RIMKLB: variants seen among roughly 807,000 people sequenced by gnomAD.
RIMKLB encodes beta-citrylglutamate synthase B.
In RIMKLB, 7 loss-of-function variants were observed where a neutral mutation model predicts 32.0. That is an observed-to-expected ratio of 0.22 (90% CI 0.12 to 0.41). The LOEUF (loss-of-function observed/expected upper bound fraction) is 0.41, where lower values mean the gene tolerates loss of function less well. Ranked by LOEUF, RIMKLB falls within the 10% of genes least tolerant of loss-of-function variation. RIMKLB has a pLI of 1.00. For synonymous variants in RIMKLB, 172 were observed against 185.1 expected (o/e 0.93, Z 0.57); for missense variants, 289 against 498.7 (o/e 0.58, Z 4.00).
At chr12:8,691,735 G>A (rs889754571) in intron 1 of RIMKLB, among the ~76,000 whole-genome samples, 4 of 152,102 alleles carry the variant, frequency 2.6e-5, no homozygotes, top group Admixed American at 2.6e-4. Context: ...TACTGAACAG[G>A]GCTCCCCAGT....
rs1041436428 is a variant in RIMKLB, at chr12:8,713,998, G to A, written c.132G>A (p.Val44=). ...AGGAGGAACTGGACTTTAGGGCTGT[G>A]GTGATGGATGAGGTGGTGCTGACAA... ...CCEEELDFRA[V]VMDEVVLTIE... is the part of the protein sequence containing the mutation. The change falls in exon 2 of 6, where the codon GTG becomes GTA. Residue 44 remains valine (V), a synonymous_variant. Transcript: ENST00000535829. The A allele has an allele frequency of 6.2e-7, 1 of 1,614,072 alleles. No homozygotes were observed. Among genetic ancestry groups the A allele is most frequent in the Non-Finnish European group, 8.5e-7 (1 of 1,180,002 alleles).
At chr12:8,741,475 A>G (rs1040514443) in intron 2 of RIMKLB, among the ~76,000 whole-genome samples, 2 of 151,602 alleles carry the variant, frequency 1.3e-5, no homozygotes, top group Non-Finnish European at 2.9e-5. Context: ...GGAGCGGCGC[A>G]AGGGTTATAA....
At chr12:8,748,371 A>G (rs764957701) in intron 2 of RIMKLB, among the ~76,000 whole-genome samples, 29 of 152,180 alleles carry the variant, frequency 1.9e-4, no homozygotes, top group Admixed American at 5.9e-4. Flanking sequence ...ATTTCTTACT[A>G]TGCCTAATTT....
intron 5 of RIMKLB, among the ~76,000 whole-genome samples, chr12:8,764,212 G>T (rs1265367264): frequency 6.6e-6 from 1 of 152,128 alleles, no homozygotes; most frequent in Non-Finnish European, 1.5e-5. Flanking sequence ...ACTTCCTTTG[G>T]CAGGGAAAGG....
intron 2 of RIMKLB, among the ~76,000 whole-genome samples, chr12:8,739,713 G>A (rs145912504): frequency 7.8e-4 from 118 of 152,200 alleles, no homozygotes; most frequent in African/African-American, 2.6e-3. Flanking sequence ...GGGCTCAAGC[G>A]ACCCTCCTGC....
At chr12:8,778,917 G>A (rs140050510), downstream of RIMKLB, 2 of 152,012 alleles carry the variant, frequency 1.3e-5, no homozygotes, top group African/African-American at 4.8e-5. Flanking sequence ...AGGAAGACAT[G>A]TGATAAGTGA....
intron 5 of RIMKLB, among the ~76,000 whole-genome samples, chr12:8,768,332 A>G (rs1323005165): frequency 6.6e-6 from 1 of 152,186 alleles, no homozygotes; most frequent in East Asian, 1.9e-4. Flanking sequence ...GACAGTGGCA[A>G]ACAGCAGTGA....
In RIMKLB at chr12:8,774,985, AC is replaced by A; in HGVS notation, c.*1202del. On this transcript the variant is annotated 3_prime_UTR_variant, in exon 6 of 6. Coordinates refer to ENST00000535829, the MANE Select transcript of RIMKLB (RefSeq NM_001297776.2). ...AGCATGATGGGAAACAGAGTTTTTGACTTTAAAAAACAGATGAGTTGTTTTC... is the reference window on the plus strand; with the variant it reads ...AGCATGATGGGAAACAGAGTTTTTGATTTAAAAAACAGATGAGTTGTTTTC... 2 of 985,710 alleles carry A rather than the reference AC, an allele frequency of 2.0e-6. No homozygotes were observed. Among genetic ancestry groups the A allele is most frequent in the South Asian group, 4.7e-5 (1 of 21,290 alleles). 61.1% of individuals were successfully genotyped at this position (985,710 alleles called of 1,614,324 possible).
At position 8,760,165 on chromosome 12, in the gene RIMKLB, A is replaced by G. The variant is rs192535342; in HGVS notation, c.697+6072A>G. On this transcript the variant is annotated intron_variant, in intron 5 of 5. Transcript: ENST00000535829. ...TGTGTCCAAGTGTTCTCATTGTTCA[A>G]TTCCCACCTATGAGTAAGAACATGC... Among the ~76,000 whole-genome samples, 1,095 of 152,160 alleles carry G rather than the reference A, an allele frequency of 7.2e-3. 7 individuals are homozygous for G. Among genetic ancestry groups the G allele is most frequent in the Admixed American group, 0.025 (375 of 15,288 alleles).
the RIMKLB span, among the ~76,000 whole-genome samples, chr12:8,674,918 C>T: frequency 0.014 from 2,050 of 144,142 alleles, 42 homozygotes; most frequent in African/African-American, 0.049. Flanking sequence ...GGCTGGAGTG[C>T]AATGGCACGA....
intron 1 of RIMKLB, among the ~76,000 whole-genome samples, chr12:8,704,969 A>G (rs968227409): frequency 2.2e-5 from 3 of 134,634 alleles, no homozygotes; most frequent in African/African-American, 9.1e-5. Context: ...CCTCACCTCT[A>G]AAACACACAC....
intron 2 of RIMKLB, among the ~76,000 whole-genome samples, chr12:8,716,557 ATTTTT>A (rs773708083): frequency 1.0e-5 from 1 of 95,896 alleles, no homozygotes; most frequent in Admixed American, 1.2e-4. Context: ...TCATGGCTTC[ATTTTT>A]TTTTTTTTTT....
At chr12:8,771,260 A>G (rs922059094) in intron 5 of RIMKLB, among the ~76,000 whole-genome samples, 1 of 152,196 alleles carries the variant, frequency 6.6e-6, no homozygotes, top group Non-Finnish European at 1.5e-5. Flanking sequence ...TCTGTGCCAC[A>G]TTCCTTCCTC....
At chr12:8,720,708 T>C (rs141738469) in intron 2 of RIMKLB, among the ~76,000 whole-genome samples, 2,113 of 152,204 alleles carry the variant, frequency 0.014, 39 homozygotes, top group African/African-American at 0.046. Flanking sequence ...CTCAGCTAAT[T>C]TTTGCATTTT....
At chr12:8,754,505 A>T (rs1379190497) in intron 5 of RIMKLB, among the ~76,000 whole-genome samples, 1 of 152,130 alleles carries the variant, frequency 6.6e-6, no homozygotes, top group Admixed American at 6.5e-5. Flanking sequence ...ATTTTCTCAG[A>T]TCTCTTATTG....
chr12:8,726,188 C>G (rs1341474201), intron 2 of RIMKLB, among the ~76,000 whole-genome samples: 1 of 152,182 alleles, frequency 6.6e-6, no homozygotes, highest in African/African-American at 2.4e-5. Flanking sequence ...AATGAGAGTT[C>G]CTGTTGTTGC....
chr12:8,692,371 T>C (rs992416117), upstream of RIMKLB, among the ~76,000 whole-genome samples: 15 of 152,262 alleles, frequency 9.9e-5, no homozygotes, highest in African/African-American at 3.1e-4. Flanking sequence ...GATCATTTAG[T>C]ATGCTTATTC....
chr12:8,767,570 A>G (rs962495454), intron 5 of RIMKLB, among the ~76,000 whole-genome samples: 1 of 152,164 alleles, frequency 6.6e-6, no homozygotes, highest in Non-Finnish European at 1.5e-5. Flanking sequence ...CCCAGAAGCT[A>G]TGGGTCAGAA....
At chr12:8,718,507 G>T (rs754781168) in intron 2 of RIMKLB, among the ~76,000 whole-genome samples, 1 of 152,158 alleles carries the variant, frequency 6.6e-6, no homozygotes, top group Non-Finnish European at 1.5e-5. Context: ...GCTGGGCCTG[G>T]TGGCATGCGC....
Sources: gnomAD v4.1 joint callset for allele counts (sites outside exome capture counted in the v4.1 genomes callset) on GRCh38, gnomAD v4.1.1 for gene constraint, MANE v1.5 for transcripts, NCBI Gene and HGNC (gene_info 2026-07-23, HGNC 2026-07-21) for gene names.